The following CAMK2D variants were observed in gnomAD, a reference collection of about 807,000 sequenced individuals.
CAMK2D encodes the protein calcium/calmodulin dependent protein kinase II delta.
In CAMK2D, 37 loss-of-function variants were observed where a neutral mutation model predicts 84.0. That is an observed-to-expected ratio of 0.44 (90% confidence interval 0.34 to 0.58). CAMK2D has a LOEUF of 0.58. CAMK2D is among the 20% of genes least tolerant of loss of function. The pLI is 0.02. For synonymous variants in CAMK2D, 202 were observed against 212.5 expected (o/e 0.95, Z 0.43); for missense variants, 448 against 652.5 (o/e 0.69, Z 3.41).
At chr4:113,753,376 C>G (rs887431103) in intron 2 of CAMK2D, among the ~76,000 whole-genome samples, 1 of 151,544 alleles carries the variant, frequency 6.6e-6, no homozygotes, top group East Asian at 1.9e-4. Context: ...ACTGTAACAC[C>G]AGAAAAGGGG....
At chr4:113,481,005 A>T (rs1489654082) in intron 16 of CAMK2D, among the ~76,000 whole-genome samples, 4 of 152,210 alleles carry the variant, frequency 2.6e-5, no homozygotes, top group Non-Finnish European at 5.9e-5. Flanking sequence ...AAACTGTGAA[A>T]AATAAATTTC....
rs115003502 is a variant in CAMK2D at position 113,615,001 on chromosome 4, G to T, written c.221-5795C>A. 3.4e-3 allele frequency among the ~76,000 whole-genome samples: 518 copies of T among 152,204 alleles called. 2 individuals carry two copies. Among genetic ancestry groups the T allele is most frequent in the African/African-American group, 0.012 (502 of 41,518 alleles). ...TATTATATCCTCATAATCATTGTTT[G>T]TCAGCTCTGAGTAATAGTCCTGGTT... On this transcript the variant is annotated intron_variant, in intron 3 of 20. Transcript: ENST00000511664.
chr4:113,539,619 T>C (rs1391468193), intron 6 of CAMK2D, among the ~76,000 whole-genome samples: 1 of 152,200 alleles, frequency 6.6e-6, no homozygotes, highest in Non-Finnish European at 1.5e-5. Context: ...CAAATACTCA[T>C]AACTAACGAA....
At chr4:113,697,332 A>G (rs2099405885) in intron 2 of CAMK2D, among the ~76,000 whole-genome samples, 1 of 152,170 alleles carries the variant, frequency 6.6e-6, no homozygotes, top group African/African-American at 2.4e-5. Context: ...TTACAGAAGA[A>G]TGATCAAGAA....
intron 2 of CAMK2D, among the ~76,000 whole-genome samples, chr4:113,743,682 T>A (rs1332031653): frequency 3.3e-5 from 5 of 152,152 alleles, no homozygotes; most frequent in African/African-American, 1.2e-4. Context: ...CTGTGCCCAA[T>A]AAATACTACC....
At chr4:113,740,563 T>C (rs951530275) in intron 2 of CAMK2D, among the ~76,000 whole-genome samples, 1 of 152,106 alleles carries the variant, frequency 6.6e-6, no homozygotes, top group Non-Finnish European at 1.5e-5. Flanking sequence ...CCTGGACTCT[T>C]GATTTCCCAT....
intron 2 of CAMK2D, among the ~76,000 whole-genome samples, chr4:113,733,801 G>A (rs750381096): frequency 7.9e-5 from 12 of 151,976 alleles, no homozygotes; most frequent in Non-Finnish European, 1.8e-4. Context: ...TGAGTAAACT[G>A]TCATACATGT....
chr4:113,662,844 A>T (rs191762946), intron 2 of CAMK2D, among the ~76,000 whole-genome samples: 1 of 152,174 alleles, frequency 6.6e-6, no homozygotes, highest in African/African-American at 2.4e-5. Context: ...AGTTTCTGGC[A>T]CTCCCTGGGT....
In CAMK2D at chr4:113,633,966, T is replaced by C. The variant is rs565142988; in HGVS notation, c.221-24760A>G. On this transcript the variant is annotated intron_variant, in intron 3 of 20. Coordinates refer to ENST00000511664, the MANE Select transcript of CAMK2D (RefSeq NM_001321571.2). ...ACAATAGTTGGAAAAAGCAGCATTA[T>C]TGTGCATGTTTTATTAAAAATATTT... Among the ~76,000 whole-genome samples, 9 of 152,350 alleles carry C rather than the reference T, an allele frequency of 5.9e-5. No homozygotes were observed. The South Asian group carries it at 1.4e-3, about 25-fold the overall frequency.
chr4:113,603,470 A>G (rs2154261988), intron 4 of CAMK2D, among the ~76,000 whole-genome samples: 1 of 144,510 alleles, frequency 6.9e-6, no homozygotes, highest in East Asian at 2.1e-4. Context: ...CATCATTCTC[A>G]GTAAACTATC....
In CAMK2D at chr4:113,484,056, A is replaced by T. The variant is rs1172117851; in HGVS notation, c.1135+16407T>A. 5.9e-5 allele frequency among the ~76,000 whole-genome samples: 9 copies of T among 152,122 alleles called. 1 individual carries two copies. Among genetic ancestry groups the T allele is most frequent in the Non-Finnish European group, 1.5e-5 (1 of 68,024 alleles). On this transcript the variant is annotated intron_variant, in intron 16 of 20. Transcript: ENST00000511664. Reference sequence around the variant, plus strand: ...TCATGAAATCTGTGGGGCATTCTGAAACAAAGAATTTAATTACAGACTTGT... The same window carrying T: ...TCATGAAATCTGTGGGGCATTCTGATACAAAGAATTTAATTACAGACTTGT...
At chr4:113,596,221 T>C (rs1027796487) in intron 4 of CAMK2D, among the ~76,000 whole-genome samples, 1 of 152,226 alleles carries the variant, frequency 6.6e-6, no homozygotes, top group Non-Finnish European at 1.5e-5. Context: ...TGCAGTCACA[T>C]CTGCAGATTA....
intron 2 of CAMK2D, among the ~76,000 whole-genome samples, chr4:113,663,923 C>T (rs1592690560): frequency 6.6e-6 from 1 of 152,090 alleles, no homozygotes; most frequent in South Asian, 2.1e-4. Context: ...CAGAATGTGA[C>T]TGTATTTGGA....
At chr4:113,645,601 T>G (rs2099148626) in intron 3 of CAMK2D, among the ~76,000 whole-genome samples, 1 of 152,150 alleles carries the variant, frequency 6.6e-6, no homozygotes, top group South Asian at 2.1e-4. Context: ...GTTTGATAAC[T>G]TCATTTGAAA....
At chr4:113,612,722 C>T (rs1273804289) in intron 3 of CAMK2D, among the ~76,000 whole-genome samples, 1 of 152,146 alleles carries the variant, frequency 6.6e-6, no homozygotes, top group African/African-American at 2.4e-5. Flanking sequence ...GGTAAAATTA[C>T]GTGTATGAAT....
At chr4:113,553,649 G>A (rs993164793) in intron 4 of CAMK2D, among the ~76,000 whole-genome samples, 22 of 152,058 alleles carry the variant, frequency 1.4e-4, no homozygotes, top group African/African-American at 4.3e-4. Flanking sequence ...GTCCTTTAAC[G>A]TCCGTCATTA....
intron 13 of CAMK2D, among the ~76,000 whole-genome samples, chr4:113,508,441 T>G (rs925155275): frequency 6.6e-6 from 1 of 152,162 alleles, no homozygotes; most frequent in African/African-American, 2.4e-5. Flanking sequence ...TGAAAATAAA[T>G]ATCTCAATAG....
At chr4:113,567,843 C>T (rs536635454) in intron 4 of CAMK2D, among the ~76,000 whole-genome samples, 17 of 152,266 alleles carry the variant, frequency 1.1e-4, no homozygotes, top group African/African-American at 3.4e-4. Flanking sequence ...GTCAGGTACA[C>T]ACTAGGTACC....
chr4:113,690,527 C>T (rs959415514), intron 2 of CAMK2D, among the ~76,000 whole-genome samples: 2 of 152,076 alleles, frequency 1.3e-5, no homozygotes, highest in South Asian at 4.1e-4. Context: ...TAAACTGAGG[C>T]AACAGTATTT....
Sources: allele counts gnomAD v4.1 joint callset (sites outside exome capture counted in the v4.1 genomes callset), GRCh38; gene constraint gnomAD v4.1.1; transcripts MANE v1.5; gene names NCBI Gene and HGNC (gene_info 2026-07-23, HGNC 2026-07-21).